RPN2: variants seen among roughly 807,000 people sequenced by gnomAD.
RPN2 encodes the protein dolichyl-diphosphooligosaccharide--protein glycosyltransferase subunit 2.
Under a neutral mutation model 71.4 loss-of-function variants are expected in RPN2, and 29 were observed. That is an observed-to-expected ratio of 0.41 (90% CI 0.30 to 0.55). RPN2 has a LOEUF of 0.55. Ranked by LOEUF, RPN2 falls within the 20% of genes least tolerant of loss-of-function variation. The probability of loss-of-function intolerance (pLI) is 0.35; values close to 1 mark genes in which losing one functional copy is unlikely to be tolerated. For missense variants in RPN2, 726 were observed against 774.1 expected, an observed-to-expected ratio of 0.94 and a Z score of 0.74; for synonymous variants, 308 against 305.0, an observed-to-expected ratio of 1.01 and a Z score of -0.10.
intron 4 of RPN2, among the ~76,000 whole-genome samples, chr20:37,203,058 G>C (rs1384854352): frequency 6.6e-6 from 1 of 152,056 alleles, no homozygotes; most frequent in East Asian, 1.9e-4. Flanking sequence ...CTGAGTACCT[G>C]GGACTATAGG....
intron 9 of RPN2, among the ~76,000 whole-genome samples, chr20:37,215,861 T>C (rs1465348816): frequency 1.3e-5 from 2 of 152,246 alleles, no homozygotes; most frequent in African/African-American, 4.8e-5. Flanking sequence ...TATTAGCCAA[T>C]TACATTTCCT....
Position 37,196,437 on chromosome 20 carries a change from G to C in RPN2, c.208-1960G>C, listed in dbSNP as rs138656993. Among the ~76,000 whole-genome samples, 3 of 152,282 alleles carry C rather than the reference G, an allele frequency of 2.0e-5. No homozygotes were observed. In the East Asian group the frequency reaches 5.8e-4, roughly 29 times the overall value. ...TTTAGTAGAGATGGGGTTTCACCGT[G>C]TTAGCCAGGATGGTCTCGATCTCCT... is the stretch of plus-strand genomic sequence containing the variant. On this transcript the variant is annotated intron_variant, in intron 2 of 16. Transcript: ENST00000237530.
intron 4 of RPN2, 78 bp downstream of exon 4, chr20:37,199,303 G>T: frequency 1.3e-6 from 2 of 1,557,402 alleles, no homozygotes; most frequent in Non-Finnish European, 1.7e-6. Flanking sequence ...CATTGGTTCA[G>T]CAAATACTTT....
chr20:37,225,949 C>T, intron 11 of RPN2, 147 bp downstream of exon 11: 1 of 705,330 alleles, frequency 1.4e-6, no homozygotes, highest in East Asian at 2.7e-5. Context: ...CAGGTTCTCC[C>T]ACATGACACT....
chr20:37,213,641 A>G (rs980713681), intron 8 of RPN2, 119 bp from the exon 9 acceptor site: 24 of 794,830 alleles, frequency 3.0e-5, no homozygotes, highest in South Asian at 2.0e-4. Context: ...TGGGAAGTCA[A>G]AAAGGTAAGG....
intron 2 of RPN2, among the ~76,000 whole-genome samples, chr20:37,194,662 A>T (rs2067216099): frequency 6.6e-6 from 1 of 152,254 alleles, no homozygotes; most frequent in Non-Finnish European, 1.5e-5. Context: ...GACAGGGTGT[A>T]CAAAGCCTGG....
Position 37,184,163 on chromosome 20 carries a change from G to T in RPN2, c.14-17G>T, listed in dbSNP as rs758387019. 1.9e-6 allele frequency: 3 copies of T among 1,614,072 alleles called. No homozygotes were observed. Among genetic ancestry groups the T allele is most frequent in the Non-Finnish European group, 2.5e-6 (3 of 1,179,952 alleles). ...TGGAAGAGTGTAGAGTGTACTGAAT[G>T]GTTGTTTCCCCCCAAGGTTCAAGCA... On this transcript the variant is annotated splice_polypyrimidine_tract_variant and intron_variant, in intron 1 of 16. Transcript: ENST00000237530.
intron 8 of RPN2, among the ~76,000 whole-genome samples, chr20:37,211,993 G>T (rs2067684048): frequency 6.6e-6 from 1 of 152,080 alleles, no homozygotes; most frequent in Non-Finnish European, 1.5e-5. Flanking sequence ...GGGATTATAG[G>T]CGTGTGACCT....
chr20:37,233,097 C>T (rs111908572), intron 14 of RPN2, among the ~76,000 whole-genome samples: 3,428 of 152,048 alleles, frequency 0.023, 55 homozygotes, highest in Middle Eastern at 0.034. Context: ...GTGACGTATG[C>T]CTGTAGTCCC....
At chr20:37,213,136 T>G (rs191393360) in intron 8 of RPN2, among the ~76,000 whole-genome samples, 4 of 152,358 alleles carry the variant, frequency 2.6e-5, no homozygotes, top group Admixed American at 2.6e-4. Flanking sequence ...TTTTGGAGTA[T>G]TTTCCTCTAC....
intron 4 of RPN2, chr20:37,200,616 G>C (rs2067366352): frequency 2.4e-6 from 1 of 420,344 alleles, no homozygotes; most frequent in African/African-American, 2.1e-5. Flanking sequence ...TTAAGGACAG[G>C]GTTCACAGGC....
At chr20:37,180,282 C>G (rs557193387) in intron 1 of RPN2, among the ~76,000 whole-genome samples, 2 of 152,294 alleles carry the variant, frequency 1.3e-5, no homozygotes, top group South Asian at 4.1e-4. Flanking sequence ...ACTTTGGATT[C>G]AAATTGCCTG....
intron 2 of RPN2, 37 bp from the exon 3 acceptor site, chr20:37,198,360 T>G: frequency 6.2e-7 from 1 of 1,614,198 alleles, no homozygotes; most frequent in East Asian, 2.2e-5. Flanking sequence ...TCACTACATG[T>G]GTCACCACTT....
intron 15 of RPN2, among the ~76,000 whole-genome samples, chr20:37,235,994 G>A (rs1378768455): frequency 1.3e-5 from 2 of 152,130 alleles, no homozygotes; most frequent in East Asian, 3.8e-4. Flanking sequence ...AAAAATGAAT[G>A]CCAAGTATAA....
chr20:37,204,056 T>C, intron 5 of RPN2, 96 bp downstream of exon 5: 1 of 841,324 alleles, frequency 1.2e-6, no homozygotes, highest in Admixed American at 1.9e-5. Flanking sequence ...TTACTACAGG[T>C]TACATTGCTT....
rs1048104927 is a variant in RPN2 at position 37,204,764 on chromosome 20, CA to C, written c.556-2del. On this transcript the variant is annotated splice_acceptor_variant, in intron 5 of 16. Transcript: ENST00000237530. LOFTEE classifies it high-confidence loss of function. The stretch of plus-strand genomic sequence containing the variant: ...CCAGCATATTTCTGTTTTGTTATGG[CA>C]GGACCTTGTTGCTCGCCTGGATGAA... 2 of 1,614,020 alleles carry C rather than the reference CA, an allele frequency of 1.2e-6. No individual in the cohort carries two copies. The highest frequency in any genetic ancestry group is 2.7e-5 in the African/African-American group (2 of 74,924).
chr20:37,182,688 G>A (rs932628589), intron 1 of RPN2, among the ~76,000 whole-genome samples: 3 of 152,206 alleles, frequency 2.0e-5, no homozygotes, highest in African/African-American at 7.2e-5. Context: ...AGCCAGTGCC[G>A]CTGGCCAATA....
chr20:37,191,322 C>A (rs2067133932), intron 2 of RPN2, among the ~76,000 whole-genome samples: 1 of 152,100 alleles, frequency 6.6e-6, no homozygotes, highest in Admixed American at 6.6e-5. Context: ...ACTAAAAATA[C>A]AGAAGTTAGC....
chr20:37,240,575 G>A (rs1036878538), intron 16 of RPN2, among the ~76,000 whole-genome samples: 4 of 152,210 alleles, frequency 2.6e-5, no homozygotes, highest in Non-Finnish European at 5.9e-5. Flanking sequence ...GCTGGAGCCT[G>A]CTGGGATCAG....
Sources: gnomAD v4.1 joint callset for allele counts (sites outside exome capture counted in the v4.1 genomes callset) on GRCh38, gnomAD v4.1.1 for gene constraint, MANE v1.5 for transcripts, NCBI Gene and HGNC (gene_info 2026-07-23, HGNC 2026-07-21) for gene names.